Variants in SLC16A14 observed in about 807,000 individuals in gnomAD.
SLC16A14 encodes monocarboxylate transporter 14.
Under a neutral mutation model 35.8 loss-of-function variants are expected in SLC16A14, and 14 were observed. That is an observed-to-expected ratio of 0.39 (90% CI 0.26 to 0.61). The LOEUF (loss-of-function observed/expected upper bound fraction) is 0.61. Among genes scored for constraint, SLC16A14 ranks in the 20% least tolerant of loss-of-function variants. The probability of loss-of-function intolerance (pLI) is 0.51; values close to 1 mark genes in which losing one functional copy is unlikely to be tolerated. For missense variants in SLC16A14, 533 were observed against 655.0 expected (o/e 0.81, Z 2.03); for synonymous variants, 248 against 258.9 (o/e 0.96, Z 0.40).
intron 4 of SLC16A14, among the ~76,000 whole-genome samples, chr2:230,044,495 A>G (rs2106248229): frequency 6.9e-6 from 1 of 143,968 alleles, no homozygotes; most frequent in Admixed American, 6.9e-5. Context: ...AAAAAAAGTG[A>G]AAGGAGGTGG....
intron 4 of SLC16A14, among the ~76,000 whole-genome samples, chr2:230,043,538 G>A (rs1266125366): frequency 6.6e-6 from 1 of 152,236 alleles, no homozygotes; most frequent in Non-Finnish European, 1.5e-5. Flanking sequence ...TAAAGGGCCT[G>A]GAGGGCCCAG....
chr2:230,043,640 A>G (rs2077577453), intron 4 of SLC16A14, among the ~76,000 whole-genome samples: 1 of 152,222 alleles, frequency 6.6e-6, no homozygotes, highest in Non-Finnish European at 1.5e-5. Flanking sequence ...CAAAACCTCT[A>G]GCAGCTCTGA....
rs1179195631 is a variant in SLC16A14, at chr2:230,037,204, C to T, written c.*176G>A. The T allele has an allele frequency of 2.0e-6, 1 of 498,058 alleles. No homozygotes were observed. The highest frequency in any genetic ancestry group is 2.0e-5 in the African/African-American group (1 of 50,802). 30.9% of individuals were successfully genotyped at this position (498,058 alleles called of 1,614,324 possible). A position where few individuals can be genotyped will look rare whatever the true frequency, so the allele number is the denominator to read the frequency against. ...CTTAAGATCTTCCAGCATTACATCT[C>T]CCCAAACAGAGAGGCAGTGCTGCTT... is the stretch of plus-strand genomic sequence containing the variant. On this transcript the variant is annotated 3_prime_UTR_variant, in exon 5 of 5. Coordinates refer to ENST00000295190, the MANE Select transcript of SLC16A14 (RefSeq NM_152527.5).
chr2:230,056,266 T>C (rs2106269505), intron 2 of SLC16A14, among the ~76,000 whole-genome samples: 1 of 150,356 alleles, frequency 6.7e-6, no homozygotes, highest in Non-Finnish European at 1.5e-5. Context: ...TTTTTTTTTT[T>C]TTTTTTGAGA....
At chr2:230,066,638 A>ACTT in intron 1 of SLC16A14, 1 of 377,574 alleles carries the variant, frequency 2.6e-6, no homozygotes, top group Admixed American at 3.4e-5. Flanking sequence ...CAAGCAAGTC[A>ACTT]TTTTTTTTTT....
chr2:230,053,503 C>A (rs1199586224), intron 2 of SLC16A14, among the ~76,000 whole-genome samples: 5 of 152,084 alleles, frequency 3.3e-5, no homozygotes, highest in Non-Finnish European at 7.4e-5. Context: ...AGTGTCCTGG[C>A]CAGGTGTGGT....
At chr2:230,040,641 TA>T (rs546536028) in intron 4 of SLC16A14, among the ~76,000 whole-genome samples, 1 of 152,110 alleles carries the variant, frequency 6.6e-6, no homozygotes, top group African/African-American at 2.4e-5. Flanking sequence ...CAGTTTTTTT[TA>T]AAAAAAGCAC....
In SLC16A14 at chr2:230,036,598, T is replaced by C. The variant is rs886891142; in HGVS notation, c.*782A>G. 2.0e-5 allele frequency: 3 copies of C among 152,220 alleles called. No individual in the cohort carries two copies. The highest frequency in any genetic ancestry group is 4.4e-5 in the Non-Finnish European group (3 of 68,040). 9.4% of individuals were successfully genotyped at this position (152,220 alleles called of 1,614,324 possible). A position where few individuals can be genotyped will look rare whatever the true frequency, so the allele number is the denominator to read the frequency against. ...CTTATATCATCTAAGAGGCCAATGA[T>C]ACGAATAAAAGTGCTTGAATTGTAG... On this transcript the variant is annotated 3_prime_UTR_variant, in exon 5 of 5. Transcript: ENST00000295190.
chr2:230,052,859 G>GAA (rs35622440), intron 2 of SLC16A14, among the ~76,000 whole-genome samples: 9 of 149,862 alleles, frequency 6.0e-5, no homozygotes, highest in Admixed American at 2.7e-4. Context: ...TATGTACATT[G>GAA]AAAAAAAAAT....
At chr2:230,037,644 C>T (rs1577379778) in intron 4 of SLC16A14, 113 bp from the exon 5 acceptor site, 2 of 763,494 alleles carry the variant, frequency 2.6e-6, no homozygotes, top group Non-Finnish European at 2.0e-6. Context: ...ATTTATATGT[C>T]ATTTCATACC....
chr2:230,049,052 TTTATTATTA>T (rs60075593), intron 3 of SLC16A14, among the ~76,000 whole-genome samples: 46 of 141,580 alleles, frequency 3.2e-4, no homozygotes, highest in African/African-American at 9.7e-4. Context: ...CACAGGAGGC[TTTATTATTA>T]TTATTATTAT....
chr2:230,045,911 G>C lies in SLC16A14; in HGVS notation c.1215C>G (p.Tyr405Ter), dbSNP rs766654677. 6.2e-7 allele frequency: 1 copy of C among 1,612,500 alleles called. No individual in the cohort carries two copies. Among genetic ancestry groups the C allele is most frequent in the Non-Finnish European group, 8.5e-7 (1 of 1,178,572 alleles). Reference sequence around the variant, plus strand: ...GCGCACAGATGACCGCCAGGCCAGCGTACGTGTGCATCAACGGCAGAATAA... The same window carrying C: ...GCGCACAGATGACCGCCAGGCCAGCCTACGTGTGCATCAACGGCAGAATAA... ...SIFILPLMHT[Y>*]AGLAVICALI... is the part of the protein sequence containing the mutation. The change falls in exon 4 of 5, where the codon TAC becomes TAG. Residue 405 changes from tyrosine to a stop codon, truncating the protein, a stop_gained. Transcript: ENST00000295190. LOFTEE classifies it high-confidence loss of function.
chr2:230,066,355 G>T (rs1420016939), intron 1 of SLC16A14, among the ~76,000 whole-genome samples: 1 of 152,020 alleles, frequency 6.6e-6, no homozygotes, highest in Non-Finnish European at 1.5e-5. Flanking sequence ...GCTATTGGAA[G>T]CTTGACAAAA....
intron 1 of SLC16A14, among the ~76,000 whole-genome samples, chr2:230,062,548 C>T (rs543677373): frequency 2.0e-5 from 3 of 152,058 alleles, no homozygotes; most frequent in East Asian, 1.9e-4. Flanking sequence ...GGACTTTCAC[C>T]GTGCTGCCCA....
At chr2:230,040,075 G>A (rs1213703684) in intron 4 of SLC16A14, among the ~76,000 whole-genome samples, 1 of 151,972 alleles carries the variant, frequency 6.6e-6, no homozygotes, top group Non-Finnish European at 1.5e-5. Context: ...CCCCTTCTGG[G>A]TGGGATAGTA....
At chr2:230,059,886 G>A (rs2077737540) in intron 1 of SLC16A14, among the ~76,000 whole-genome samples, 1 of 152,178 alleles carries the variant, frequency 6.6e-6, no homozygotes, top group Non-Finnish European at 1.5e-5. Context: ...CAGCCAGAGT[G>A]GATTAGCCTC....
chr2:230,057,421 G>A (rs2077714325), intron 2 of SLC16A14, among the ~76,000 whole-genome samples: 1 of 152,128 alleles, frequency 6.6e-6, no homozygotes, highest in Non-Finnish European at 1.5e-5. Flanking sequence ...AGAATAGGGA[G>A]TGTATATTCA....
intron 2 of SLC16A14, 82 bp from the exon 3 acceptor site, chr2:230,049,986 G>T: frequency 6.6e-7 from 1 of 1,515,842 alleles, no homozygotes; most frequent in South Asian, 1.2e-5. Context: ...TGAAGACAAA[G>T]AATAAAATGT....
intron 2 of SLC16A14, among the ~76,000 whole-genome samples, chr2:230,054,834 G>T (rs2106267566): frequency 6.6e-6 from 1 of 151,666 alleles, no homozygotes; most frequent in Non-Finnish European, 1.5e-5. Context: ...GGCAGAGGTT[G>T]CAGTGAGCCG....
Sources: allele counts gnomAD v4.1 joint callset (sites outside exome capture counted in the v4.1 genomes callset), GRCh38; gene constraint gnomAD v4.1.1; transcripts MANE v1.5; gene names NCBI Gene and HGNC (gene_info 2026-07-23, HGNC 2026-07-21).